Variants in ZZEF1 observed in about 807,000 individuals in gnomAD.
ZZEF1 encodes zinc finger ZZ-type and EF-hand domain containing 1.
A neutral mutation model predicts 342.8 loss-of-function variants in ZZEF1; 157 were observed. The observed-to-expected ratio is 0.46, with a 90% CI of 0.40 to 0.52. The LOEUF (loss-of-function observed/expected upper bound fraction) is 0.52. Ranked by LOEUF, ZZEF1 falls within the 20% of genes least tolerant of loss-of-function variation. The probability of loss-of-function intolerance (pLI) is 0.00; values close to 1 mark genes in which losing one functional copy is unlikely to be tolerated. For missense variants in ZZEF1, 3,480 were observed against 3,725.6 expected (o/e 0.93, Z 1.72); for synonymous variants, 1,505 against 1,429.1 (o/e 1.05, Z -1.20).
At chr17:4,041,418 C>T (rs1334513210) in intron 39 of ZZEF1, among the ~76,000 whole-genome samples, 3 of 151,740 alleles carry the variant, frequency 2.0e-5, no homozygotes, top group African/African-American at 7.3e-5. Flanking sequence ...TCCAGGCAAA[C>T]TGCTAAAAAA....
intron 24 of ZZEF1, among the ~76,000 whole-genome samples, chr17:4,073,898 CA>C (rs367645774): frequency 5.5e-5 from 8 of 145,548 alleles, no homozygotes; most frequent in Admixed American, 1.4e-4. Context: ...ACAATGTTGC[CA>C]AAAAAAAAAG....
Position 4,014,588 on chromosome 17 carries a change from A to G in ZZEF1, c.8146-73T>C. 6.5e-7 allele frequency: 1 copy of G among 1,527,964 alleles called. No homozygotes were observed. Among genetic ancestry groups the G allele is most frequent in the Non-Finnish European group, 9.0e-7 (1 of 1,110,442 alleles). The allele number at this position is 1,527,964 out of a possible 1,614,324, so 94.7% of individuals were successfully genotyped here. A position where few individuals can be genotyped will look rare whatever the true frequency, so the allele number is the denominator to read the frequency against. ...CACTGACTGCAGCTGTCCCATGCCG[A>G]GTCCTGTGGCTGGACCCGGGTGTGT... On this transcript the variant is annotated intron_variant, in intron 49 of 54. Transcript: ENST00000381638. This position sits in a 1 kb window ranked among gnomAD's most constrained non-coding sequence, Gnocchi z 4.4.
chr17:4,120,173 A>C (rs1369682636), intron 2 of ZZEF1, among the ~76,000 whole-genome samples: 1 of 152,140 alleles, frequency 6.6e-6, no homozygotes, highest in Non-Finnish European at 1.5e-5. Flanking sequence ...CCTGGCCAAC[A>C]TGATGAAACC....
At chr17:4,126,941 T>C (rs1391176028) in intron 1 of ZZEF1, among the ~76,000 whole-genome samples, 1 of 151,902 alleles carries the variant, frequency 6.6e-6, no homozygotes, top group East Asian at 1.9e-4. Context: ...CACTCCAGCC[T>C]GGGTGCTAGA....
chr17:4,109,116 G>A (rs926499157), intron 6 of ZZEF1, among the ~76,000 whole-genome samples: 1 of 152,074 alleles, frequency 6.6e-6, no homozygotes, highest in African/African-American at 2.4e-5. Flanking sequence ...TTAGTACCCT[G>A]AAAAGATTTC....
chr17:4,057,706 C>T (rs1045654484), intron 32 of ZZEF1, among the ~76,000 whole-genome samples: 1 of 152,228 alleles, frequency 6.6e-6, no homozygotes, highest in African/African-American at 2.4e-5. Flanking sequence ...ATGTACATAG[C>T]TCTACTGCAT....
intron 9 of ZZEF1, among the ~76,000 whole-genome samples, chr17:4,098,628 C>T (rs762002325): frequency 1.3e-5 from 2 of 151,830 alleles, no homozygotes; most frequent in Non-Finnish European, 2.9e-5. Flanking sequence ...GCTTTTTTTT[C>T]TGGGACTCTG....
chr17:4,056,078 T>G, intron 33 of ZZEF1, 138 bp downstream of exon 33: 1 of 921,820 alleles, frequency 1.1e-6, no homozygotes, highest in Non-Finnish European at 1.5e-6. Context: ...CATTCAGCGG[T>G]TGGGGACCCC....
intron 2 of ZZEF1, among the ~76,000 whole-genome samples, chr17:4,123,268 C>CACATAT (rs2058514928): frequency 1.2e-5 from 1 of 85,340 alleles, no homozygotes; most frequent in Non-Finnish European, 2.4e-5. Flanking sequence ...TTATCATAAC[C>CACATAT]ATATATATAT....
intron 11 of ZZEF1, among the ~76,000 whole-genome samples, chr17:4,092,071 C>T (rs1440247645): frequency 2.0e-5 from 1 of 50,176 alleles, no homozygotes; most frequent in African/African-American, 4.9e-5. Context: ...AGCGAAACTC[C>T]ACCTCAAAAA....
intron 1 of ZZEF1, among the ~76,000 whole-genome samples, chr17:4,129,060 C>T (rs924400489): frequency 6.6e-6 from 1 of 152,054 alleles, no homozygotes; most frequent in African/African-American, 2.4e-5. Context: ...AGCCACCGCA[C>T]CCGGCCCAAA....
At chr17:4,027,247 G>A (rs1417626472) in intron 42 of ZZEF1, among the ~76,000 whole-genome samples, 5 of 142,318 alleles carry the variant, frequency 3.5e-5, no homozygotes, top group Non-Finnish European at 6.0e-5. Context: ...AAAGTGCTGA[G>A]ATTACAGGTA....
At chr17:4,083,985 T>C (rs2057773191) in intron 16 of ZZEF1, among the ~76,000 whole-genome samples, 1 of 152,244 alleles carries the variant, frequency 6.6e-6, no homozygotes, top group South Asian at 2.1e-4. Context: ...TCTATAATCA[T>C]ATCAAAACAA....
At chr17:4,009,283 A>G in intron 53 of ZZEF1, 1 of 562,140 alleles carries the variant, frequency 1.8e-6, no homozygotes, top group Non-Finnish European at 3.2e-6. Flanking sequence ...TATTGTGCTG[A>G]GGGGAGGAAA....
chr17:4,077,135 A>C, intron 19 of ZZEF1, 146 bp from the exon 20 acceptor site: 1 of 655,014 alleles, frequency 1.5e-6, no homozygotes, highest in Non-Finnish European at 2.3e-6. Context: ...TGCCGTCCTA[A>C]TGCATTCCTC....
intron 11 of ZZEF1, among the ~76,000 whole-genome samples, chr17:4,095,352 T>C (rs1391566181): frequency 2.0e-5 from 3 of 152,262 alleles, no homozygotes; most frequent in Non-Finnish European, 4.4e-5. Context: ...ACACTGTTGA[T>C]ACTGCAAGTT....
rs533883471 is a variant in ZZEF1, at chr17:4,035,160, T to C, written c.6307-868A>G. 6.5e-4 allele frequency among the ~76,000 whole-genome samples: 99 copies of C among 152,324 alleles called. 1 individual carries two copies. In the Middle Eastern group the frequency reaches 0.014, roughly 21 times the overall value. On this transcript the variant is annotated intron_variant, in intron 39 of 54. Coordinates refer to ENST00000381638, the MANE Select transcript of ZZEF1 (RefSeq NM_015113.4). ...CAGTTCTTCATTATTATAAAAACCA[T>C]TCAGCTAAACGGCCTGGTACAAACA...
At chr17:4,093,251 T>C (rs921753788) in intron 11 of ZZEF1, among the ~76,000 whole-genome samples, 1 of 152,188 alleles carries the variant, frequency 6.6e-6, no homozygotes, top group African/African-American at 2.4e-5. Flanking sequence ...CAGTGTCATC[T>C]CTAGTTATTA....
intron 39 of ZZEF1, among the ~76,000 whole-genome samples, chr17:4,038,612 C>A (rs2056728888): frequency 6.6e-6 from 1 of 152,156 alleles, no homozygotes; most frequent in African/African-American, 2.4e-5. Context: ...CAAGACCAGC[C>A]TGGCCAACAT....
Sources: allele counts gnomAD v4.1 joint callset (sites outside exome capture counted in the v4.1 genomes callset), GRCh38; gene constraint gnomAD v4.1.1; non-coding constraint Gnocchi (gnomAD v3.1); transcripts MANE v1.5; gene names NCBI Gene and HGNC (gene_info 2026-07-23, HGNC 2026-07-21).